The following PTPRG variants were observed in gnomAD, a reference collection of about 807,000 sequenced individuals.
PTPRG encodes receptor-type tyrosine-protein phosphatase gamma.
PTPRG carries 102 observed loss-of-function variants against 165.3 expected under a neutral mutation model. The ratio of observed to expected loss-of-function variants is 0.62; its 90% CI spans 0.53 to 0.73. PTPRG has a LOEUF of 0.73. Among genes scored for constraint, PTPRG ranks in the 30% least tolerant of loss-of-function variants. The probability of loss-of-function intolerance (pLI) is 0.00; values close to 1 mark genes in which losing one functional copy is unlikely to be tolerated. For missense variants in PTPRG, 1,866 were observed against 1,861.4 expected, an observed-to-expected ratio of 1.00 and a Z score of -0.05; for synonymous variants, 675 against 669.5, an observed-to-expected ratio of 1.01 and a Z score of -0.13.
At chr3:61,749,106 C>G in intron 2 of PTPRG, 124 bp downstream of exon 2, 1 of 837,876 alleles carries the variant, frequency 1.2e-6, no homozygotes, top group South Asian at 1.4e-5. Context: ...TCGTAGTTCA[C>G]TAAAAGTTGA....
intron 2 of PTPRG, among the ~76,000 whole-genome samples, chr3:61,864,438 C>A (rs62243200): frequency 0.12 from 18,012 of 151,848 alleles, 1,646 homozygotes; most frequent in East Asian, 0.48. Flanking sequence ...TGGAGAATCC[C>A]GGGCTTCTAA....
chr3:61,853,400 A>G (rs1490687083), intron 2 of PTPRG, among the ~76,000 whole-genome samples: 1 of 152,132 alleles, frequency 6.6e-6, no homozygotes, highest in Non-Finnish European at 1.5e-5. Context: ...TGGGCTTACT[A>G]TTGATTGTTT....
rs769533958 is a variant in PTPRG, at chr3:62,093,596, G to C, written c.615+15338G>C. 2.0e-5 allele frequency among the ~76,000 whole-genome samples: 3 copies of C among 152,292 alleles called. No individual in the cohort carries two copies. In the South Asian group the frequency reaches 6.2e-4, roughly 32 times the overall value. ...TGACTGGCACCAGAGGACGGTATAC[G>C]TTTTCATGCTTCCTCCCTTGGAGAT... On this transcript the variant is annotated intron_variant, in intron 5 of 29. Transcript: ENST00000474889.
chr3:61,700,540 C>T (rs1386537943), intron 1 of PTPRG, among the ~76,000 whole-genome samples: 1 of 152,090 alleles, frequency 6.6e-6, no homozygotes, highest in South Asian at 2.1e-4. Context: ...CTTTTATTAC[C>T]CATTATAACA....
At chr3:61,962,921 T>C (rs1290195117) in intron 2 of PTPRG, among the ~76,000 whole-genome samples, 2 of 152,174 alleles carry the variant, frequency 1.3e-5, no homozygotes, top group Non-Finnish European at 2.9e-5. Flanking sequence ...TTTTTAAAAA[T>C]AGATAATACA....
intron 2 of PTPRG, among the ~76,000 whole-genome samples, chr3:61,908,429 A>T (rs887421681): frequency 5.9e-5 from 9 of 151,756 alleles, no homozygotes; most frequent in African/African-American, 2.2e-4. Flanking sequence ...AAAAAAAAAA[A>T]AAAAATCAGT....
chr3:61,847,464 C>T (rs2036838977), intron 2 of PTPRG, among the ~76,000 whole-genome samples: 1 of 152,076 alleles, frequency 6.6e-6, no homozygotes, highest in Non-Finnish European at 1.5e-5. Flanking sequence ...TTTTAGGCAC[C>T]CAGTTTGTGG....
intron 2 of PTPRG, among the ~76,000 whole-genome samples, chr3:61,983,116 T>A (rs981105564): frequency 6.6e-6 from 1 of 152,184 alleles, no homozygotes; most frequent in African/African-American, 2.4e-5. Flanking sequence ...ATGAATAAAG[T>A]AAAAATAGTG....
chr3:62,061,620 C>CTCTTT (rs891817417), intron 4 of PTPRG, among the ~76,000 whole-genome samples: 3 of 138,356 alleles, frequency 2.2e-5, no homozygotes, highest in African/African-American at 5.3e-5. Context: ...ACTTGGCTTT[C>CTCTTT]TCTTTTCTTT....
At chr3:61,563,367 C>T (rs1169758382) in intron 1 of PTPRG, among the ~76,000 whole-genome samples, 1 of 152,072 alleles carries the variant, frequency 6.6e-6, no homozygotes, top group African/African-American at 2.4e-5. Flanking sequence ...GGCTCGGCGA[C>T]CCTCCACTTC....
Position 61,723,917 on chromosome 3 carries a change from C to T in PTPRG, c.86-24961C>T, listed in dbSNP as rs543761081. ...TGGTGGCATCCACTAATCTGTCTTA[C>T]ATCTCTCTCATTTCGTCATTTTGAG... On this transcript the variant is annotated intron_variant, in intron 1 of 29. Transcript: ENST00000474889. 5.3e-5 allele frequency among the ~76,000 whole-genome samples: 8 copies of T among 152,322 alleles called. No homozygotes were observed. In the South Asian group the frequency reaches 1.7e-3, roughly 32 times the overall value.
intron 2 of PTPRG, among the ~76,000 whole-genome samples, chr3:61,880,271 C>G (rs1045863755): frequency 2.6e-5 from 4 of 152,200 alleles, no homozygotes; most frequent in Admixed American, 2.0e-4. Flanking sequence ...TTTAGACTAT[C>G]TCCCCACTGC....
intron 2 of PTPRG, among the ~76,000 whole-genome samples, chr3:61,876,601 A>C (rs1454018642): frequency 1.3e-5 from 2 of 152,128 alleles, no homozygotes; most frequent in Admixed American, 1.3e-4. Context: ...TGCATAACAA[A>C]ACTAGGTTAA....
At chr3:62,181,511 G>A (rs1314800067) in intron 8 of PTPRG, among the ~76,000 whole-genome samples, 1 of 151,974 alleles carries the variant, frequency 6.6e-6, no homozygotes, top group Non-Finnish European at 1.5e-5. Context: ...TGCTCAGTAA[G>A]TTTTCTAAGC....
intron 4 of PTPRG, among the ~76,000 whole-genome samples, chr3:62,005,443 C>T (rs1199809960): frequency 6.6e-6 from 1 of 152,174 alleles, no homozygotes; most frequent in Non-Finnish European, 1.5e-5. Context: ...TTGTGTCCAG[C>T]AAGCCTTGCT....
intron 2 of PTPRG, among the ~76,000 whole-genome samples, chr3:61,813,152 A>G (rs2035639673): frequency 6.6e-6 from 1 of 152,096 alleles, no homozygotes; most frequent in Non-Finnish European, 1.5e-5. Context: ...GGAATGGTAG[A>G]GCATGGGGTC....
chr3:62,085,017 G>T (rs926542788), intron 5 of PTPRG, among the ~76,000 whole-genome samples: 1 of 152,130 alleles, frequency 6.6e-6, no homozygotes, highest in South Asian at 2.1e-4. Flanking sequence ...TAGGCATTAG[G>T]GGGTAGAGCC....
At chr3:62,048,050 A>G (rs1324941378) in intron 4 of PTPRG, among the ~76,000 whole-genome samples, 1 of 152,156 alleles carries the variant, frequency 6.6e-6, no homozygotes, top group Non-Finnish European at 1.5e-5. Flanking sequence ...TTTCTTGGAA[A>G]CCTGCTGAAA....
chr3:61,581,678 C>T (rs1415217286), intron 1 of PTPRG, among the ~76,000 whole-genome samples: 3 of 151,114 alleles, frequency 2.0e-5, no homozygotes, highest in Non-Finnish European at 2.9e-5. Context: ...GGCACAATCT[C>T]GGCTCCCTGC....
Sources: allele counts gnomAD v4.1 joint callset (sites outside exome capture counted in the v4.1 genomes callset), GRCh38; gene constraint gnomAD v4.1.1; transcripts MANE v1.5; gene names NCBI Gene and HGNC (gene_info 2026-07-23, HGNC 2026-07-21).